The following SELENOT variants were observed in gnomAD, a reference collection of about 807,000 sequenced individuals.
The protein encoded by SELENOT is selenoprotein T, also known as thioredoxin reductase-like selenoprotein T.
Under a neutral mutation model 24.3 loss-of-function variants are expected in SELENOT, and 9 were observed. The ratio of observed to expected loss-of-function variants is 0.37; its 90% CI spans 0.22 to 0.65. The LOEUF (loss-of-function observed/expected upper bound fraction) is 0.65, where lower values mean the gene tolerates loss of function less well. SELENOT is among the 30% of genes least tolerant of loss of function. The probability of loss-of-function intolerance (pLI) is 0.60; values close to 1 mark genes in which losing one functional copy is unlikely to be tolerated. For synonymous variants in SELENOT, 81 were observed against 86.0 expected (o/e 0.94, Z 0.32); for missense variants, 166 against 247.6 (o/e 0.67, Z 2.21).
In SELENOT at chr3:150,612,417, T is replaced by A. The variant is rs1726116936; in HGVS notation, c.137+8918T>A. 2.0e-5 allele frequency among the ~76,000 whole-genome samples: 3 copies of A among 152,272 alleles called. No homozygotes were observed. In the South Asian group the frequency reaches 6.2e-4, roughly 32 times the overall value. On this transcript the variant is annotated intron_variant, in intron 1 of 5. Transcript: ENST00000471696. ...TATATATATATATTTTTAATGTTGGTCATTCTTTCTAATGTTAAGACATAT... is the reference window on the plus strand; with the variant it reads ...TATATATATATATTTTTAATGTTGGACATTCTTTCTAATGTTAAGACATAT...
At chr3:150,605,413 C>T (rs1364859980) in intron 1 of SELENOT, among the ~76,000 whole-genome samples, 2 of 151,738 alleles carry the variant, frequency 1.3e-5, no homozygotes, top group African/African-American at 2.4e-5. Context: ...TGTAAACAAA[C>T]GTAGGGAAGG....
At chr3:150,615,753 T>C (rs1203383908) in intron 1 of SELENOT, among the ~76,000 whole-genome samples, 3 of 152,016 alleles carry the variant, frequency 2.0e-5, no homozygotes, top group Admixed American at 6.5e-5. Flanking sequence ...AGAATAAATA[T>C]CGTGAAAATG....
At chr3:150,618,937 G>A (rs1726276636) in intron 1 of SELENOT, 1 of 152,204 alleles carries the variant, frequency 6.6e-6, no homozygotes, top group African/African-American at 2.4e-5. Context: ...ATGTAAGCAA[G>A]ATCTTCTTTT....
At chr3:150,626,967 T>C (rs1234112247) in intron 4 of SELENOT, 43 bp from the exon 5 acceptor site, 1 of 1,593,216 alleles carries the variant, frequency 6.3e-7, no homozygotes, top group Admixed American at 1.7e-5. Flanking sequence ...TATTATAAAA[T>C]CATCTTTAAT....
intron 3 of SELENOT, among the ~76,000 whole-genome samples, chr3:150,623,560 G>C (rs1726384316): frequency 6.7e-6 from 1 of 149,128 alleles, no homozygotes. Context: ...CATTAAAAAG[G>C]GGATTCCCAT....
chr3:150,627,124 A>T lies in SELENOT; in HGVS notation c.578A>T (p.His193Leu). The change falls in exon 5 of 6, where the codon CAT becomes CTT. Residue 193 changes from histidine (H) to leucine (L), a missense_variant. His to Leu is a moderately conservative substitution (Grantham distance 99). Transcript: ENST00000471696. ...GTGCATATGGATTCAATCCCACACCATCGATCATAGCACCACCTATCAGCA... is the reference window on the plus strand; with the variant it reads ...GTGCATATGGATTCAATCCCACACCTTCGATCATAGCACCACCTATCAGCA... ...LNVHMDSIPHHRS is the reference protein window; with the variant it reads ...LNVHMDSIPHLRS The T allele has an allele frequency of 6.2e-7, 1 of 1,613,042 alleles. No individual in the cohort carries two copies. Among genetic ancestry groups the T allele is most frequent in the Non-Finnish European group, 8.5e-7 (1 of 1,179,460 alleles).
chr3:150,622,701 T>C (rs1473617048), intron 2 of SELENOT, among the ~76,000 whole-genome samples: 1 of 151,922 alleles, frequency 6.6e-6, no homozygotes, highest in Non-Finnish European at 1.5e-5. Flanking sequence ...GTTTCAGAGA[T>C]GGCAACCCTT....
intron 1 of SELENOT, among the ~76,000 whole-genome samples, chr3:150,614,119 G>T (rs185951693): frequency 2.6e-5 from 4 of 152,174 alleles, no homozygotes; most frequent in South Asian, 4.2e-4. Context: ...GCTTATAGAC[G>T]CTGTTATAAT....
At chr3:150,612,460 AT>A (rs1326661336) in intron 1 of SELENOT, among the ~76,000 whole-genome samples, 2 of 152,172 alleles carry the variant, frequency 1.3e-5, no homozygotes, top group African/African-American at 4.8e-5. Flanking sequence ...GGATAATTAG[AT>A]TTTGGTGTCA....
rs1726518686 is a variant in SELENOT at position 150,629,823 on chromosome 3, A to G, written c.*2194A>G. ...AATAATATAAGGAAAAAGGGAAAGTAAACTATTTAGAATGTAGTTTTGTTA... is the reference window on the plus strand; with the variant it reads ...AATAATATAAGGAAAAAGGGAAAGTGAACTATTTAGAATGTAGTTTTGTTA... On this transcript the variant is annotated 3_prime_UTR_variant, in exon 6 of 6. Coordinates refer to ENST00000471696, the MANE Select transcript of SELENOT (RefSeq NM_016275.5). 6.5e-6 allele frequency: 1 copy of G among 152,678 alleles called. No individual in the cohort carries two copies. The highest frequency in any genetic ancestry group is 2.4e-5 in the African/African-American group (1 of 41,458). The allele number at this position is 152,678 out of a possible 1,614,324, so 9.5% of individuals were successfully genotyped here. A position where few individuals can be genotyped will look rare whatever the true frequency, so the allele number is the denominator to read the frequency against.
chr3:150,618,104 G>A (rs1356066034), intron 1 of SELENOT, among the ~76,000 whole-genome samples: 5 of 152,112 alleles, frequency 3.3e-5, no homozygotes, highest in South Asian at 2.1e-4. Flanking sequence ...TGATCCACCC[G>A]CCTCAGCCTC....
chr3:150,618,474 C>T (rs1213421706), intron 1 of SELENOT, among the ~76,000 whole-genome samples: 3 of 152,148 alleles, frequency 2.0e-5, no homozygotes, highest in Non-Finnish European at 4.4e-5. Flanking sequence ...AGGCATTTGA[C>T]TCCAATTAGC....
At position 150,603,428 on chromosome 3, in the gene SELENOT, T is replaced by C; in HGVS notation, c.66T>C (p.Asn22=). The C allele has an allele frequency of 1.2e-6, 2 of 1,613,350 alleles. No individual in the cohort carries two copies. The highest frequency in any genetic ancestry group is 1.7e-6 in the Non-Finnish European group (2 of 1,179,492). The change falls in exon 1 of 6, where the codon AAT becomes AAC. Residue 22 remains asparagine, a synonymous_variant. Transcript: ENST00000471696. The part of the protein sequence containing the change: ...SAMVRSEASA[N]LGGVPSKRLK... ...TGGTCCGGAGCGAGGCCTCGGCCAA[T>C]CTGGGCGGCGTGCCCAGCAAGAGAT...
At chr3:150,614,448 T>C (rs1407752906) in intron 1 of SELENOT, 1 of 152,756 alleles carries the variant, frequency 6.5e-6, no homozygotes, top group Non-Finnish European at 1.5e-5. Flanking sequence ...TAGAAGGCAA[T>C]AGTGTAGAAT....
intron 1 of SELENOT, among the ~76,000 whole-genome samples, chr3:150,617,020 G>A (rs1726232661): frequency 6.6e-6 from 1 of 152,236 alleles, no homozygotes; most frequent in Non-Finnish European, 1.5e-5. Flanking sequence ...TTGGAGGAAG[G>A]ATAGGTAGAA....
chr3:150,617,787 A>C (rs915289621), intron 1 of SELENOT, among the ~76,000 whole-genome samples: 4 of 151,540 alleles, frequency 2.6e-5, no homozygotes, highest in African/African-American at 9.7e-5. Flanking sequence ...AAAAAACAAA[A>C]AAAAACTGAG....
At chr3:150,615,607 A>G (rs1184049065) in intron 1 of SELENOT, among the ~76,000 whole-genome samples, 7 of 152,216 alleles carry the variant, frequency 4.6e-5, no homozygotes, top group Non-Finnish European at 1.0e-4. Context: ...CAATTGCTTC[A>G]AAGAGAATAA....
At position 150,608,062 on chromosome 3, in the gene SELENOT, G is replaced by A. The variant is rs143585477; in HGVS notation, c.137+4563G>A. Reference sequence around the variant, plus strand: ...GCTCTTAATGATGAATTGTATGTTTGTGGGGAAAGAGAGGTGGCATGAAGT... The same window carrying A: ...GCTCTTAATGATGAATTGTATGTTTATGGGGAAAGAGAGGTGGCATGAAGT... On this transcript the variant is annotated intron_variant, in intron 1 of 5. Transcript: ENST00000471696. Among the ~76,000 whole-genome samples the A allele has an allele frequency of 3.4e-3, 518 of 152,312 alleles. 2 individuals are homozygous for A. The highest frequency in any genetic ancestry group is 0.011 in the African/African-American group (475 of 41,582).
intron 1 of SELENOT, among the ~76,000 whole-genome samples, chr3:150,621,737 A>G (rs1726349420): frequency 6.8e-6 from 1 of 147,026 alleles, no homozygotes; most frequent in African/African-American, 2.5e-5. Context: ...ATTGAAAATT[A>G]TGTTCCCAAT....
Sources: gnomAD v4.1 joint callset for allele counts (sites outside exome capture counted in the v4.1 genomes callset) on GRCh38, gnomAD v4.1.1 for gene constraint, MANE v1.5 for transcripts, NCBI Gene and HGNC (gene_info 2026-07-23, HGNC 2026-07-21) for gene names.